The following GJC2 variants were observed in gnomAD, a reference collection of about 807,000 sequenced individuals.
GJC2 encodes the protein gap junction gamma-2 protein.
For synonymous variants in GJC2, 336 were observed against 307.5 expected, an observed-to-expected ratio of 1.09 and a Z score of -0.97; for missense variants, 647 against 648.9, an observed-to-expected ratio of 1.00 and a Z score of 0.03.
Position 228,157,741 on chromosome 1 carries a change from A to AGACCC in GJC2, c.-18_-17insGACCC. On this transcript the variant is annotated splice_region_variant and 5_prime_UTR_variant, in exon 2 of 2. Transcript: ENST00000366714. ...GCTGACCCCTACCCCGCCCCACAGG[A>AGACCC]CCCGCCCGCCCGCCCCTATGACCAA... The AGACCC allele has an allele frequency of 2.0e-5, 7 of 354,470 alleles. No homozygotes were observed. The highest frequency in any genetic ancestry group is 1.7e-5 in the Non-Finnish European group (3 of 177,092). 22.0% of individuals were successfully genotyped at this position (354,470 alleles called of 1,614,324 possible). A position where few individuals can be genotyped will look rare whatever the true frequency, so the allele number is the denominator to read the frequency against.
rs972921626 is a variant in GJC2, at chr1:228,151,425, G to T, written c.-20+1418G>T. ...CATGTGGGCAGGCACTTGGGGTCTT[G>T]GTGGGGGCACCTTGCTTTCCTGGGC... On this transcript the variant is annotated intron_variant, in intron 1 of 1. Coordinates refer to ENST00000366714, the MANE Select transcript of GJC2 (RefSeq NM_020435.4). The surrounding 1 kb of genome is among the most constrained non-coding windows in gnomAD (Gnocchi z 5.4). Among the ~76,000 whole-genome samples, 2 of 152,094 alleles carry T rather than the reference G, an allele frequency of 1.3e-5. No homozygotes were observed. Among genetic ancestry groups the T allele is most frequent in the Non-Finnish European group, 2.9e-5 (2 of 67,996 alleles).
Position 228,159,191 on chromosome 1 carries a change from T to G in GJC2, c.*113T>G. ...TTAGCCGGTGGCCTCAGGCAGACTCTGCCCAGAGGGGCAGCCAGGCTGCTC... is the reference window on the plus strand; with the variant it reads ...TTAGCCGGTGGCCTCAGGCAGACTCGGCCCAGAGGGGCAGCCAGGCTGCTC... On this transcript the variant is annotated 3_prime_UTR_variant, in exon 2 of 2. Transcript: ENST00000366714. The surrounding 1 kb of genome is among the most constrained non-coding windows in gnomAD (Gnocchi z 4.0). 3 of 1,256,100 alleles carry G rather than the reference T, an allele frequency of 2.4e-6. No individual in the cohort carries two copies. The highest frequency in any genetic ancestry group is 3.4e-6 in the Non-Finnish European group (3 of 893,562). The allele number at this position is 1,256,100 out of a possible 1,614,324, so 77.8% of individuals were successfully genotyped here.
chr1:228,158,053 G>A lies in GJC2; in HGVS notation c.295G>A (p.Val99Met), dbSNP rs754971409. The change falls in exon 2 of 2, where the codon GTG becomes ATG. Residue 99 changes from valine (V) to methionine (M), a missense_variant. Physicochemically the swap from Val to Met is conservative, Grantham distance 21. Transcript: ENST00000366714. This position sits in a 1 kb window ranked among gnomAD's most constrained non-coding sequence, Gnocchi z 8.3. ...CTCGGTCATGTACCTGGGCTACGCC[G>A]TGCACCGCCTGGCCCGTGCGTCTGA... ...TPSVMYLGYA[V>M]HRLARASEQE... 2.5e-6 allele frequency: 4 copies of A among 1,607,200 alleles called. No individual in the cohort carries two copies. The highest frequency in any genetic ancestry group is 3.4e-6 in the Non-Finnish European group (4 of 1,178,884).
chr1:228,158,018 T>C lies in GJC2; in HGVS notation c.260T>C (p.Ile87Thr). 6.2e-7 allele frequency: 1 copy of C among 1,611,586 alleles called. No individual in the cohort carries two copies. Among genetic ancestry groups the C allele is most frequent in the Non-Finnish European group, 8.5e-7 (1 of 1,179,616 alleles). Residue 87 changes from isoleucine (I) to threonine (T), a missense_variant, in exon 2 of 2, where the codon ATC becomes ACC. Transcript: ENST00000366714. The surrounding 1 kb of genome is among the most constrained non-coding windows in gnomAD (Gnocchi z 8.3). ...VRFWVFQIVV[I>T]STPSVMYLGY... ...TTCTGGGTCTTCCAGATTGTGGTCA[T>C]CTCCACGCCCTCGGTCATGTACCTG...
At position 228,152,639 on chromosome 1, in the gene GJC2, C is replaced by G. The variant is rs890832716; in HGVS notation, c.-20+2632C>G. ...CCCTTTGAAGCCCTTCCTGTGAGCC[C>G]CCGATGCCACCAGGGCGAGACCGCC... On this transcript the variant is annotated intron_variant, in intron 1 of 1. Transcript: ENST00000366714. This position sits in a 1 kb window ranked among gnomAD's most constrained non-coding sequence, Gnocchi z 7.3. Among the ~76,000 whole-genome samples, 4 of 151,902 alleles carry G rather than the reference C, an allele frequency of 2.6e-5. No individual in the cohort carries two copies. The highest frequency in any genetic ancestry group is 4.4e-5 in the Non-Finnish European group (3 of 67,938).
rs924707494 is a variant in GJC2, at chr1:228,151,994, TG to T, written c.-20+1988del. On this transcript the variant is annotated intron_variant, in intron 1 of 1. Transcript: ENST00000366714. This position sits in a 1 kb window ranked among gnomAD's most constrained non-coding sequence, Gnocchi z 5.4. The stretch of plus-strand genomic sequence containing the variant: ...GGCCTGTCAGCGGGTGAGGAGAAAT[TG>T]AGGCCTGAGGATGGGTGAGTGCTGT... 7.2e-5 allele frequency among the ~76,000 whole-genome samples: 11 copies of T among 151,954 alleles called. No individual in the cohort carries two copies. The highest frequency in any genetic ancestry group is 1.3e-4 in the Non-Finnish European group (9 of 67,944).
rs115691699 is a variant in GJC2, at chr1:228,150,657, T to C, written c.-20+650T>C. 0.031 allele frequency among the ~76,000 whole-genome samples: 4,632 copies of C among 151,850 alleles called. 238 individuals carry two copies. Among genetic ancestry groups the C allele is most frequent in the African/African-American group, 0.11 (4,344 of 41,348 alleles). On this transcript the variant is annotated intron_variant, in intron 1 of 1. Transcript: ENST00000366714. The surrounding 1 kb of genome is among the most constrained non-coding windows in gnomAD (Gnocchi z 4.6). ...CCCTCAGTGCAAGGAAGGGGCGGCG[T>C]GGCTGAGGAGGGGGAGGCCCACACC... is the stretch of plus-strand genomic sequence containing the variant.
In GJC2 at chr1:228,152,334, T is replaced by A. The variant is rs529889558; in HGVS notation, c.-20+2327T>A. Reference sequence around the variant, plus strand: ...GGGCCTGGAGATGGAAGGAAATACCTGGGCCCCTGACCCTGTGCTACACCC... The same window carrying A: ...GGGCCTGGAGATGGAAGGAAATACCAGGGCCCCTGACCCTGTGCTACACCC... On this transcript the variant is annotated intron_variant, in intron 1 of 1. Coordinates refer to ENST00000366714, the MANE Select transcript of GJC2 (RefSeq NM_020435.4). This position sits in a 1 kb window ranked among gnomAD's most constrained non-coding sequence, Gnocchi z 7.3. 1.1e-4 allele frequency among the ~76,000 whole-genome samples: 16 copies of A among 152,090 alleles called. No homozygotes were observed. Among genetic ancestry groups the A allele is most frequent in the Non-Finnish European group, 1.5e-4 (10 of 67,992 alleles).
rs765571379 is a variant in GJC2, at chr1:228,159,051, G to C, written c.1293G>C (p.Arg431Ser). Residue 431 changes from arginine (R) to serine (S), a missense_variant, in exon 2 of 2, where the codon AGG becomes AGC. Coordinates refer to ENST00000366714, the MANE Select transcript of GJC2 (RefSeq NM_020435.4). The surrounding 1 kb of genome is among the most constrained non-coding windows in gnomAD (Gnocchi z 4.0). ...CCGAGAAGGGCAGTGCCAGCAGCAGGGACGGGAAGACCACCGTGTGGATCT... is the reference window on the plus strand; with the variant it reads ...CCGAGAAGGGCAGTGCCAGCAGCAGCGACGGGAAGACCACCGTGTGGATCT... ...AGSEKGSASS[R>S]DGKTTVWI 6.8e-6 allele frequency: 11 copies of C among 1,610,406 alleles called. No homozygotes were observed. Among genetic ancestry groups the C allele is most frequent in the Non-Finnish European group, 9.3e-6 (11 of 1,179,738 alleles).
chr1:228,159,075 C>A lies in GJC2; in HGVS notation c.1317C>A (p.Ile439=). The A allele has an allele frequency of 6.2e-7, 1 of 1,610,478 alleles. No homozygotes were observed. The highest frequency in any genetic ancestry group is 2.2e-5 in the East Asian group (1 of 44,844). Residue 439 remains isoleucine (I), a synonymous_variant, in exon 2 of 2, where the codon ATC becomes ATA. Coordinates refer to ENST00000366714, the MANE Select transcript of GJC2 (RefSeq NM_020435.4). This position sits in a 1 kb window ranked among gnomAD's most constrained non-coding sequence, Gnocchi z 4.0. ...SSRDGKTTVW[I] ...GGGACGGGAAGACCACCGTGTGGAT[C>A]TGAGGGCGCTGGCTTGCGAGCTGGG... is the stretch of plus-strand genomic sequence containing the variant.
chr1:228,157,977 C>G lies in GJC2; in HGVS notation c.219C>G (p.Pro73=). ...CDNVCYDAFA[P]LSHVRFWVFQ... is the part of the protein sequence containing the mutation. ...ACGTCTGCTATGACGCCTTCGCGCC[C>G]CTGTCGCACGTGCGCTTCTGGGTCT... Residue 73 remains proline, a synonymous_variant, in exon 2 of 2, where the codon CCC becomes CCG. Transcript: ENST00000366714. 6.2e-7 allele frequency: 1 copy of G among 1,612,426 alleles called. No homozygotes were observed. Among genetic ancestry groups the G allele is most frequent in the Non-Finnish European group, 8.5e-7 (1 of 1,179,774 alleles).
In GJC2 at chr1:228,150,972, G is replaced by C. The variant is rs1477701940; in HGVS notation, c.-20+965G>C. ...TGCAACAGCCCTGGAGGCTGGCCTG[G>C]GGAGCTGCCCAGGCTTCAGCGATGA... On this transcript the variant is annotated intron_variant, in intron 1 of 1. Coordinates refer to ENST00000366714, the MANE Select transcript of GJC2 (RefSeq NM_020435.4). The surrounding 1 kb of genome is among the most constrained non-coding windows in gnomAD (Gnocchi z 4.6). Among the ~76,000 whole-genome samples the C allele has an allele frequency of 6.6e-6, 1 of 152,034 alleles. No individual in the cohort carries two copies. The highest frequency in any genetic ancestry group is 1.5e-5 in the Non-Finnish European group (1 of 67,940).
Position 228,158,816 on chromosome 1 carries a change from TGGCCCTGCA to T in GJC2, c.1062_1070del (p.Gln356_Leu358del). On this transcript the variant is annotated inframe_deletion, in exon 2 of 2. Transcript: ENST00000366714. The surrounding 1 kb of genome is among the most constrained non-coding windows in gnomAD (Gnocchi z 8.3). ...GCGCATGACCAGAACCTGGCAAACCTGGCCCTGCAGGCGCTGCGCGACGGGGCAGCGGCT... is the reference window on the plus strand; with the variant it reads ...GCGCATGACCAGAACCTGGCAAACCTGGCGCTGCGCGACGGGGCAGCGGCT... The T allele has an allele frequency of 7.2e-7, 1 of 1,395,244 alleles. No individual in the cohort carries two copies. The highest frequency in any genetic ancestry group is 9.4e-7 in the Non-Finnish European group (1 of 1,069,430). 86.4% of individuals were successfully genotyped at this position (1,395,244 alleles called of 1,614,324 possible). A position where few individuals can be genotyped will look rare whatever the true frequency, so the allele number is the denominator to read the frequency against.
chr1:228,158,178 C>T lies in GJC2; in HGVS notation c.420C>T (p.Asp140=), dbSNP rs2034712541. 2.8e-6 allele frequency: 4 copies of T among 1,415,964 alleles called. No homozygotes were observed. Among genetic ancestry groups the T allele is most frequent in the Non-Finnish European group, 3.7e-6 (4 of 1,089,362 alleles). 87.7% of individuals were successfully genotyped at this position (1,415,964 alleles called of 1,614,324 possible). The change falls in exon 2 of 2, where the codon GAC becomes GAT. Residue 140 remains aspartate (D), a synonymous_variant. Coordinates refer to ENST00000366714, the MANE Select transcript of GJC2 (RefSeq NM_020435.4). This position sits in a 1 kb window ranked among gnomAD's most constrained non-coding sequence, Gnocchi z 8.3. The stretch of plus-strand genomic sequence containing the variant: ...ACGCCGGCTGGCCTGAGCCCGCCGA[C>T]CTGGGCGAGGAGGAGCCCATGCTGG... ...PPHAGWPEPA[D]LGEEEPMLGL...
intron 1 of GJC2, among the ~76,000 whole-genome samples, 199 bp from the exon 2 acceptor site, chr1:228,157,541 A>G (rs1571907207): frequency 6.6e-6 from 1 of 152,104 alleles, no homozygotes; most frequent in South Asian, 2.1e-4. Flanking sequence ...AAGGCAACTC[A>G]CCCAGCTGGG....
rs1186794760 is a variant in GJC2 at position 228,150,301 on chromosome 1, AG to A, written c.-20+300del. Among the ~76,000 whole-genome samples the A allele has an allele frequency of 6.6e-6, 1 of 152,056 alleles. No individual in the cohort carries two copies. Among genetic ancestry groups the A allele is most frequent in the African/African-American group, 2.4e-5 (1 of 41,410 alleles). On this transcript the variant is annotated intron_variant, in intron 1 of 1. Transcript: ENST00000366714. The surrounding 1 kb of genome is among the most constrained non-coding windows in gnomAD (Gnocchi z 4.6). ...TGCTCTGGGACAGCTGGCAAGCGGGAGGGGGGTGCCTTCAGTACCTCCCCCA... is the reference window on the plus strand; with the variant it reads ...TGCTCTGGGACAGCTGGCAAGCGGGAGGGGGTGCCTTCAGTACCTCCCCCA...
chr1:228,158,702 C>T lies in GJC2; in HGVS notation c.944C>T (p.Pro315Leu). 1 of 1,169,058 alleles carries T rather than the reference C, an allele frequency of 8.6e-7. No individual in the cohort carries two copies. The highest frequency in any genetic ancestry group is 1.1e-6 in the Non-Finnish European group (1 of 939,886). 72.4% of individuals were successfully genotyped at this position (1,169,058 alleles called of 1,614,324 possible). ...PASAPAPAPR[P>L]PPCAFPAAAA... ...TCCGCCCCCGCCCCCGCGCCGCGGC[C>T]CCCGCCCTGCGCCTTCCCTGCGGCG... The change falls in exon 2 of 2, where the codon CCC (proline) becomes CTC (leucine). Residue 315 changes from proline to leucine, a missense_variant. Coordinates refer to ENST00000366714, the MANE Select transcript of GJC2 (RefSeq NM_020435.4). This position sits in a 1 kb window ranked among gnomAD's most constrained non-coding sequence, Gnocchi z 8.3.
Position 228,151,042 on chromosome 1 carries a change from C to A in GJC2, c.-20+1035C>A, listed in dbSNP as rs2034611293. Reference sequence around the variant, plus strand: ...AGGCCTAACTCGCCCCCTTGGTCCACCTCCAGAGGAGGAACAGCCCCTCAC... The same window carrying A: ...AGGCCTAACTCGCCCCCTTGGTCCAACTCCAGAGGAGGAACAGCCCCTCAC... On this transcript the variant is annotated intron_variant, in intron 1 of 1. Coordinates refer to ENST00000366714, the MANE Select transcript of GJC2 (RefSeq NM_020435.4). This position sits in a 1 kb window ranked among gnomAD's most constrained non-coding sequence, Gnocchi z 5.4. 6.6e-6 allele frequency among the ~76,000 whole-genome samples: 1 copy of A among 152,118 alleles called. No homozygotes were observed. The highest frequency in any genetic ancestry group is 2.4e-5 in the African/African-American group (1 of 41,430).
In GJC2 at chr1:228,158,413, G is replaced by T; in HGVS notation, c.655G>T (p.Ala219Ser). The T allele has an allele frequency of 6.2e-7, 1 of 1,606,744 alleles. No homozygotes were observed. The highest frequency in any genetic ancestry group is 8.5e-7 in the Non-Finnish European group (1 of 1,179,460). The stretch of plus-strand genomic sequence containing the variant: ...GCGCGTGTACGTGGCCCAGCTGGTG[G>T]CCAGGGCAGCTTTCGAGGTGGCCTT... ...LMRVYVAQLV[A>S]RAAFEVAFLV... The change falls in exon 2 of 2, where the codon GCC becomes TCC. Residue 219 changes from alanine to serine, a missense_variant. Transcript: ENST00000366714. This position sits in a 1 kb window ranked among gnomAD's most constrained non-coding sequence, Gnocchi z 8.3.
Sources: allele counts gnomAD v4.1 joint callset (sites outside exome capture counted in the v4.1 genomes callset), GRCh38; gene constraint gnomAD v4.1.1; non-coding constraint Gnocchi (gnomAD v3.1); transcripts MANE v1.5; gene names NCBI Gene and HGNC (gene_info 2026-07-23, HGNC 2026-07-21).